SLC1A7: variants seen among roughly 807,000 people sequenced by gnomAD.
SLC1A7 encodes the protein excitatory amino acid transporter 5.
SLC1A7 carries 40 observed loss-of-function variants against 47.7 expected under a neutral mutation model. The observed-to-expected ratio is 0.84, with a 90% confidence interval of 0.65 to 1.09. The LOEUF (loss-of-function observed/expected upper bound fraction) is 1.09, where lower values mean the gene tolerates loss of function less well. Ranked by LOEUF, SLC1A7 falls within the 50% of genes least tolerant of loss-of-function variation. The pLI is 0.00. For synonymous variants in SLC1A7, 323 were observed against 325.6 expected (o/e 0.99, Z 0.09); for missense variants, 746 against 769.5 (o/e 0.97, Z 0.36).
In SLC1A7 at chr1:53,092,693, C is replaced by A. The variant is rs756602904; in HGVS notation, c.892G>T (p.Val298Phe). 154 of 1,614,022 alleles carry A rather than the reference C, an allele frequency of 9.5e-5. No homozygotes were observed. The highest frequency in any genetic ancestry group is 1.1e-4 in the Non-Finnish European group (135 of 1,180,002). Reference protein sequence around the residue: ...AVGKKLGFYSVTVVCGLVLHG... With the variant: ...AVGKKLGFYSFTVVCGLVLHG... ...AGCACCAGCCCGCACACCACGGTGACTGAGTAGAAGCCCAGCTTCTTGCCG... is the reference window on the plus strand; with the variant it reads ...AGCACCAGCCCGCACACCACGGTGAATGAGTAGAAGCCCAGCTTCTTGCCG... Residue 298 changes from valine to phenylalanine, a missense_variant, in exon 7 of 11, where the codon GTC (valine) becomes TTC (phenylalanine). By Grantham distance (50) the Val-to-Phe change is conservative. Coordinates refer to ENST00000371494, the MANE Select transcript of SLC1A7 (RefSeq NM_006671.6).
At chr1:53,133,930 G>T (rs114822739) in intron 2 of SLC1A7, among the ~76,000 whole-genome samples, 1 of 152,146 alleles carries the variant, frequency 6.6e-6, no homozygotes, top group African/African-American at 2.4e-5. Context: ...AAACTGAGGC[G>T]TAGAGAGGTG....
chr1:53,130,557 G>A (rs937041118), intron 2 of SLC1A7, among the ~76,000 whole-genome samples: 1 of 139,432 alleles, frequency 7.2e-6, no homozygotes, highest in Non-Finnish European at 1.5e-5. Context: ...TTGCCTTCCT[G>A]GGTCACAGCT....
At chr1:53,114,700 C>A in intron 3 of SLC1A7, 58 bp downstream of exon 3, 1 of 1,492,796 alleles carries the variant, frequency 6.7e-7, no homozygotes, top group Non-Finnish European at 9.3e-7. Context: ...TCTGGGGGAC[C>A]TGGCAGGGCA....
Position 53,127,661 on chromosome 1 carries a change from TG to T in SLC1A7, c.215+6688del, listed in dbSNP as rs541622935. 5.0e-4 allele frequency among the ~76,000 whole-genome samples: 76 copies of T among 152,330 alleles called. 1 individual carries two copies. The highest frequency in any genetic ancestry group is 1.7e-3 in the African/African-American group (72 of 41,580). On this transcript the variant is annotated intron_variant, in intron 2 of 10. Coordinates refer to ENST00000371494, the MANE Select transcript of SLC1A7 (RefSeq NM_006671.6). ...GGTAGAAGACTTTGACTCAGAAGAC[TG>T]GTGAGGACCGGGCTTCCTGCTGGCC...
chr1:53,127,038 G>GTTTTTTTTTT (rs61456544), intron 2 of SLC1A7, among the ~76,000 whole-genome samples: 156 of 97,546 alleles, frequency 1.6e-3, no homozygotes, highest in Admixed American at 1.8e-3. Context: ...AATTTTAAAA[G>GTTTTTTTTTT]TTTTTTTTTT....
At chr1:53,133,034 A>C (rs1644956868) in intron 2 of SLC1A7, among the ~76,000 whole-genome samples, 1 of 152,080 alleles carries the variant, frequency 6.6e-6, no homozygotes, top group South Asian at 2.1e-4. Context: ...GAACATTTGG[A>C]GGTTGAGTAG....
intron 3 of SLC1A7, among the ~76,000 whole-genome samples, chr1:53,111,146 C>T (rs2150330408): frequency 6.6e-6 from 1 of 152,168 alleles, no homozygotes; most frequent in South Asian, 2.1e-4. Context: ...CAAGAGAAGA[C>T]AACAGAGAGG....
At chr1:53,126,129 A>T (rs1410686018) in intron 2 of SLC1A7, among the ~76,000 whole-genome samples, 1 of 152,174 alleles carries the variant, frequency 6.6e-6, no homozygotes, top group Non-Finnish European at 1.5e-5. Flanking sequence ...CAAACACCAG[A>T]TGAGAGCATC....
At chr1:53,094,842 A>C (rs932543099) in intron 5 of SLC1A7, among the ~76,000 whole-genome samples, 1 of 152,210 alleles carries the variant, frequency 6.6e-6, no homozygotes, top group African/African-American at 2.4e-5. Flanking sequence ...GTGTGCATGG[A>C]ACCCTAGTGT....
intron 7 of SLC1A7, among the ~76,000 whole-genome samples, 200 bp downstream of exon 7, chr1:53,092,354 G>C (rs1644431439): frequency 6.6e-6 from 1 of 152,232 alleles, no homozygotes; most frequent in Admixed American, 6.5e-5. Flanking sequence ...CTGGGGCCGT[G>C]GGGGAAGGAG....
At chr1:53,126,615 G>T (rs1308312624) in intron 2 of SLC1A7, among the ~76,000 whole-genome samples, 1 of 152,178 alleles carries the variant, frequency 6.6e-6, no homozygotes, top group Non-Finnish European at 1.5e-5. Context: ...CTCTGGGAAT[G>T]AATAAATCAG....
At chr1:53,125,522 G>A (rs1157724500) in intron 2 of SLC1A7, among the ~76,000 whole-genome samples, 1 of 152,132 alleles carries the variant, frequency 6.6e-6, no homozygotes, top group Non-Finnish European at 1.5e-5. Flanking sequence ...TAGCACCAGG[G>A]TACGCTAGAG....
intron 3 of SLC1A7, among the ~76,000 whole-genome samples, chr1:53,110,444 A>G (rs1036612937): frequency 1.1e-4 from 16 of 143,094 alleles, no homozygotes; most frequent in Non-Finnish European, 2.0e-4. Flanking sequence ...CGGGTGGGGT[A>G]GGGCTGGGGC....
At chr1:53,091,039 G>A in intron 7 of SLC1A7, 1 of 1,316,950 alleles carries the variant, frequency 7.6e-7, no homozygotes, top group Admixed American at 2.5e-5. Flanking sequence ...CGCCCAGAGG[G>A]CGGGGCTGAC....
At position 53,092,547 on chromosome 1, in the gene SLC1A7, G is replaced by T; in HGVS notation, c.1031+7C>A. 6.2e-7 allele frequency: 1 copy of T among 1,603,370 alleles called. No homozygotes were observed. Among genetic ancestry groups the T allele is most frequent in the Non-Finnish European group, 8.5e-7 (1 of 1,170,416 alleles). ...CTCCCCACCGTCCTGCCCGTCCCCG[G>T]GGCTACCTGGAGGAGGTGGCCAGCG... On this transcript the variant is annotated splice_region_variant and intron_variant, in intron 7 of 10. Coordinates refer to ENST00000371494, the MANE Select transcript of SLC1A7 (RefSeq NM_006671.6).
chr1:53,133,367 A>G (rs1353861082), intron 2 of SLC1A7, among the ~76,000 whole-genome samples: 1 of 152,180 alleles, frequency 6.6e-6, no homozygotes, highest in African/African-American at 2.4e-5. Flanking sequence ...GAGAAATTTA[A>G]ATGCTGCTTG....
chr1:53,132,969 C>T (rs1288626024), intron 2 of SLC1A7, among the ~76,000 whole-genome samples: 1 of 152,024 alleles, frequency 6.6e-6, no homozygotes, highest in Non-Finnish European at 1.5e-5. Flanking sequence ...GGGCATTGGG[C>T]TTGTAGGTGG....
Position 53,088,974 on chromosome 1 carries a change from C to A in SLC1A7, c.1367G>T (p.Arg456Leu). Residue 456 changes from arginine to leucine, a missense_variant, in exon 10 of 11, where the codon CGT (arginine) becomes CTT (leucine). Coordinates refer to ENST00000371494, the MANE Select transcript of SLC1A7 (RefSeq NM_006671.6). Reference sequence around the variant, plus strand: ...CAGCACGTTAATCATGGTGCGGAAACGGTCCCTGGTGAGCCAAGGTTGGGG... The same window carrying A: ...CAGCACGTTAATCATGGTGCGGAAAAGGTCCCTGGTGAGCCAAGGTTGGGG... Reference protein sequence around the residue: ...LIIAVDWALDRFRTMINVLGD... With the variant: ...LIIAVDWALDLFRTMINVLGD... 1 of 1,613,840 alleles carries A rather than the reference C, an allele frequency of 6.2e-7. No homozygotes were observed. The highest frequency in any genetic ancestry group is 1.7e-5 in the Admixed American group (1 of 60,016).
At position 53,087,934 on chromosome 1, in the gene SLC1A7, G is replaced by T; in HGVS notation, c.*75C>A. 1 of 860,726 alleles carries T rather than the reference G, an allele frequency of 1.2e-6. No homozygotes were observed. Among genetic ancestry groups the T allele is most frequent in the East Asian group, 2.9e-5 (1 of 34,670 alleles). The allele number at this position is 860,726 out of a possible 1,614,324, so 53.3% of individuals were successfully genotyped here. ...ATCCTGGCCCCTGCCGGCTGCTCAGGAGGGTTGGAGAGTCGAGTTCCTGCC... is the reference window on the plus strand; with the variant it reads ...ATCCTGGCCCCTGCCGGCTGCTCAGTAGGGTTGGAGAGTCGAGTTCCTGCC... On this transcript the variant is annotated 3_prime_UTR_variant, in exon 11 of 11. Transcript: ENST00000371494.
Sources: gnomAD v4.1 joint callset for allele counts (sites outside exome capture counted in the v4.1 genomes callset) on GRCh38, gnomAD v4.1.1 for gene constraint, MANE v1.5 for transcripts, NCBI Gene and HGNC (gene_info 2026-07-23, HGNC 2026-07-21) for gene names.